MYO18B: variants seen among roughly 807,000 people sequenced by gnomAD.
MYO18B encodes the protein unconventional myosin-XVIIIb.
Under a neutral mutation model 273.0 loss-of-function variants are expected in MYO18B, and 204 were observed. That is an observed-to-expected ratio of 0.75 (90% CI 0.67 to 0.84). The LOEUF (loss-of-function observed/expected upper bound fraction) is 0.84, where lower values mean the gene tolerates loss of function less well. Among genes scored for constraint, MYO18B ranks in the 40% least tolerant of loss-of-function variants. The pLI, the probability that MYO18B is intolerant of heterozygous loss-of-function variation, is 0.00. For missense variants in MYO18B, 3,212 were observed against 3,287.6 expected, an observed-to-expected ratio of 0.98 and a Z score of 0.56; for synonymous variants, 1,330 against 1,305.7, an observed-to-expected ratio of 1.02 and a Z score of -0.40.
At chr22:26,040,566 T>C in the MYO18B span, among the ~76,000 whole-genome samples, 2 of 152,190 alleles carry the variant, frequency 1.3e-5, no homozygotes, top group South Asian at 2.1e-4. Context: ...TAGAAGGGAC[T>C]AGAAGGCATT....
intron 12 of MYO18B, among the ~76,000 whole-genome samples, chr22:25,801,347 T>G (rs1331925397): frequency 6.6e-6 from 1 of 152,210 alleles, no homozygotes; most frequent in Non-Finnish European, 1.5e-5. Context: ...TCAAAAGCAC[T>G]TATACCTCTA....
intron 38 of MYO18B, among the ~76,000 whole-genome samples, chr22:25,954,030 G>A (rs2092820895): frequency 6.6e-6 from 1 of 152,148 alleles, no homozygotes; most frequent in Admixed American, 6.5e-5. Flanking sequence ...CACTGCCTGT[G>A]GCTGCAGAAA....
the MYO18B span, among the ~76,000 whole-genome samples, chr22:26,063,822 G>T: frequency 6.6e-6 from 1 of 152,182 alleles, no homozygotes; most frequent in Non-Finnish European, 1.5e-5. Flanking sequence ...TAGTGTGATA[G>T]CAATTAAAGC....
At chr22:25,863,911 AT>A (rs1466012769) in intron 21 of MYO18B, among the ~76,000 whole-genome samples, 2 of 152,100 alleles carry the variant, frequency 1.3e-5, no homozygotes, top group Non-Finnish European at 2.9e-5. Context: ...TGGCTGTCCT[AT>A]TTCCTGTGTC....
Position 25,770,896 on chromosome 22 carries a change from G to C in MYO18B, c.1604G>C (p.Gly535Ala). The change falls in exon 6 of 44, where the codon GGA (glycine) becomes GCA (alanine). Residue 535 changes from glycine to alanine, a missense_variant. Physicochemically the swap from Gly to Ala is moderately conservative, Grantham distance 60. Transcript: ENST00000335473. ...TLATVLKPDE[G>A]TADLPAGRVR... ...GCTACGGTGCTAAAGCCAGATGAGG[G>C]AACAGCAGACCTGCCAGCAGGAAGG... The C allele has an allele frequency of 6.4e-7, 1 of 1,552,008 alleles. No homozygotes were observed. Among genetic ancestry groups the C allele is most frequent in the East Asian group, 2.4e-5 (1 of 40,916 alleles).
intron 34 of MYO18B, among the ~76,000 whole-genome samples, chr22:25,924,886 AATTG>A (rs1427318726): frequency 1.3e-5 from 2 of 152,166 alleles, no homozygotes; most frequent in Non-Finnish European, 2.9e-5. Context: ...GCTGATTTGG[AATTG>A]ATGGGATGTG....
At chr22:25,770,431 G>T in intron 5 of MYO18B, among the ~76,000 whole-genome samples, 1 of 152,206 alleles carries the variant, frequency 6.6e-6, no homozygotes. Flanking sequence ...TGGGCCAATA[G>T]ATTTGATCTC....
chr22:26,025,671 T>A (rs1373929087), intron 42 of MYO18B, among the ~76,000 whole-genome samples: 1 of 152,082 alleles, frequency 6.6e-6, no homozygotes, highest in Non-Finnish European at 1.5e-5. Context: ...ACAAATAGAT[T>A]TTATTTATTA....
intron 39 of MYO18B, among the ~76,000 whole-genome samples, chr22:25,984,867 A>G (rs1183282105): frequency 6.6e-6 from 1 of 151,858 alleles, no homozygotes; most frequent in African/African-American, 2.4e-5. Context: ...AGCACAGGAC[A>G]GCACTGGAAT....
At chr22:25,989,534 G>A (rs2146831950) in intron 39 of MYO18B, among the ~76,000 whole-genome samples, 1 of 149,102 alleles carries the variant, frequency 6.7e-6, no homozygotes, top group East Asian at 2.0e-4. Flanking sequence ...TGTACTCCCA[G>A]CACTTTAGGA....
At chr22:25,867,716 G>A (rs146534612) in intron 21 of MYO18B, among the ~76,000 whole-genome samples, 6,606 of 151,994 alleles carry the variant, frequency 0.043, 201 homozygotes, top group East Asian at 0.13. Flanking sequence ...TGCAAGCTCC[G>A]CCTCCCAGGT....
intron 28 of MYO18B, 143 bp downstream of exon 28, chr22:25,895,423 A>G (rs1434540547): frequency 5.6e-6 from 5 of 899,504 alleles, no homozygotes; most frequent in Non-Finnish European, 8.3e-6. Context: ...CATCTCCACT[A>G]TTATTACAAA....
chr22:25,889,105 T>C (rs1045112832), intron 25 of MYO18B, among the ~76,000 whole-genome samples: 7 of 152,032 alleles, frequency 4.6e-5, no homozygotes, highest in Admixed American at 1.3e-4. Flanking sequence ...CAAACAAAAA[T>C]GGGATTACAC....
At chr22:25,791,947 A>T (rs374592913) in intron 11 of MYO18B, among the ~76,000 whole-genome samples, 40 of 152,276 alleles carry the variant, frequency 2.6e-4, no homozygotes, top group African/African-American at 9.1e-4. Flanking sequence ...TGGAGTCGGG[A>T]CTGGGATCCA....
At chr22:26,009,835 T>A (rs778154556) in intron 42 of MYO18B, among the ~76,000 whole-genome samples, 4 of 152,200 alleles carry the variant, frequency 2.6e-5, no homozygotes, top group Non-Finnish European at 5.9e-5. Context: ...ATTCTCCTTT[T>A]GTGATTTTGG....
chr22:25,753,900 C>T (rs1601594727), intron 1 of MYO18B, among the ~76,000 whole-genome samples: 1 of 152,172 alleles, frequency 6.6e-6, no homozygotes, highest in South Asian at 2.1e-4. Context: ...TTGAAGTTAG[C>T]GAGACCAAGA....
At chr22:26,057,305 C>A in the MYO18B span, among the ~76,000 whole-genome samples, 7 of 152,078 alleles carry the variant, frequency 4.6e-5, no homozygotes, top group African/African-American at 1.4e-4. Context: ...AGATAAGTGG[C>A]CTGTCTCATC....
chr22:25,997,552 A>G (rs1222143352), intron 40 of MYO18B, among the ~76,000 whole-genome samples: 1 of 152,186 alleles, frequency 6.6e-6, no homozygotes, highest in Non-Finnish European at 1.5e-5. Flanking sequence ...GAGTGGAAAC[A>G]CAGTGTAGAC....
At chr22:25,876,114 C>G in intron 23 of MYO18B, 75 bp from the exon 24 acceptor site, 1 of 1,511,394 alleles carries the variant, frequency 6.6e-7, no homozygotes, top group South Asian at 1.3e-5. Flanking sequence ...CTTTGCTACC[C>G]TCTGCCTCCT....
Sources: allele counts gnomAD v4.1 joint callset (sites outside exome capture counted in the v4.1 genomes callset), GRCh38; gene constraint gnomAD v4.1.1; transcripts MANE v1.5; gene names NCBI Gene and HGNC (gene_info 2026-07-23, HGNC 2026-07-21).